SMIM36: variants seen among roughly 807,000 people sequenced by gnomAD.
SMIM36 encodes the protein small integral membrane protein 36.
chr17:55,530,989 A>T, the SMIM36 span, among the ~76,000 whole-genome samples: 1 of 152,144 alleles, frequency 6.6e-6, no homozygotes, highest in East Asian at 1.9e-4. Context: ...ATAATGATTT[A>T]ATTTCCCTTT....
chr17:55,463,997 C>G lies in SMIM36; in HGVS notation c.*531+3148G>C, dbSNP rs149140817. Among the ~76,000 whole-genome samples the G allele has an allele frequency of 3.3e-5, 5 of 152,060 alleles. No homozygotes were observed. The East Asian group carries it at 9.7e-4, about 29-fold the overall frequency. ...CTGGTGTGGAGGCATGTTCCTGTATCCTAGCTACTCGAGAGGCTGAGGCAT... is the reference window on the plus strand; with the variant it reads ...CTGGTGTGGAGGCATGTTCCTGTATGCTAGCTACTCGAGAGGCTGAGGCAT... On this transcript the variant is annotated intron_variant, in intron 4 of 4. Coordinates refer to ENST00000636752, the Ensembl canonical transcript of SMIM36.
intron 1 of SMIM36, among the ~76,000 whole-genome samples, chr17:55,494,517 A>G (rs7215634): frequency 0.26 from 39,782 of 152,048 alleles, 8,245 homozygotes; most frequent in African/African-American, 0.53. Flanking sequence ...CCCATTACAC[A>G]TAGACAAACT....
the SMIM36 span, among the ~76,000 whole-genome samples, chr17:55,517,062 A>G: frequency 6.6e-6 from 1 of 152,196 alleles, no homozygotes; most frequent in East Asian, 1.9e-4. Context: ...TTCTTGGAAG[A>G]CTGCCAGGTT....
chr17:55,457,980 AGCTGAACATTTTCAT>A (rs1237741531), intron 4 of SMIM36, among the ~76,000 whole-genome samples: 4 of 152,192 alleles, frequency 2.6e-5, no homozygotes, highest in African/African-American at 9.7e-5. Context: ...TTTGCCTGCT[AGCTGAACATTTTCAT>A]GCGAGTATGT....
chr17:55,513,303 C>A (rs1910213490), upstream of SMIM36, among the ~76,000 whole-genome samples: 1 of 152,188 alleles, frequency 6.6e-6, no homozygotes, highest in African/African-American at 2.4e-5. Context: ...GTCACCAGGG[C>A]TTTGGTGATC....
rs533137887 is a variant in SMIM36, at chr17:55,493,702, T to C, written c.*175-14122A>G. Among the ~76,000 whole-genome samples the C allele has an allele frequency of 3.3e-5, 5 of 150,592 alleles. No homozygotes were observed. In the South Asian group the frequency reaches 8.4e-4, roughly 25 times the overall value. Reference sequence around the variant, plus strand: ...GAGCACACCTGTAGCCCCAGCTACTTAGGAGGCTGAGGTGGGAGGATCCCT... The same window carrying C: ...GAGCACACCTGTAGCCCCAGCTACTCAGGAGGCTGAGGTGGGAGGATCCCT... On this transcript the variant is annotated intron_variant, in intron 1 of 4. Transcript: ENST00000636752.
intron 4 of SMIM36, among the ~76,000 whole-genome samples, chr17:55,459,785 C>G (rs896781190): frequency 5.9e-5 from 9 of 151,580 alleles, no homozygotes; most frequent in Non-Finnish European, 1.2e-4. Flanking sequence ...GCGCTTGAGC[C>G]CAGAAATTCG....
At chr17:55,455,015 C>G (rs1908991182) in intron 4 of SMIM36, among the ~76,000 whole-genome samples, 1 of 152,176 alleles carries the variant, frequency 6.6e-6, no homozygotes, top group African/African-American at 2.4e-5. Context: ...TGTGCACATT[C>G]ATTATTGTTT....
chr17:55,508,272 C>G (rs2036669), intron 1 of SMIM36, among the ~76,000 whole-genome samples: 83,252 of 151,308 alleles, frequency 0.55, 24,090 homozygotes, highest in African/African-American at 0.74. Context: ...CAAGTTAGTG[C>G]CTTGTTTTCT....
chr17:55,460,474 C>A (rs951997912), intron 4 of SMIM36, among the ~76,000 whole-genome samples: 12 of 150,004 alleles, frequency 8.0e-5, no homozygotes, highest in Non-Finnish European at 1.3e-4. Flanking sequence ...ACAACAACAA[C>A]AAAAAAGCTA....
At chr17:55,487,368 A>C (rs748201760) in intron 1 of SMIM36, among the ~76,000 whole-genome samples, 2 of 152,148 alleles carry the variant, frequency 1.3e-5, no homozygotes, top group African/African-American at 2.4e-5. Flanking sequence ...TAAATAAATA[A>C]AAAAGTGTCC....
intron 1 of SMIM36, among the ~76,000 whole-genome samples, chr17:55,480,828 A>G (rs1271290161): frequency 1.3e-5 from 2 of 152,168 alleles, no homozygotes; most frequent in Non-Finnish European, 2.9e-5. Flanking sequence ...GGTCTGTACA[A>G]CAGCAGGGGC....
chr17:55,508,444 A>G, intron 1 of SMIM36, among the ~76,000 whole-genome samples: 1 of 53,606 alleles, frequency 1.9e-5, no homozygotes, highest in Non-Finnish European at 4.9e-5. Flanking sequence ...ATATATATAT[A>G]TATATATATA....
the SMIM36 span, among the ~76,000 whole-genome samples, chr17:55,520,003 T>C: frequency 6.6e-6 from 1 of 152,198 alleles, no homozygotes; most frequent in Non-Finnish European, 1.5e-5. Flanking sequence ...TCAGTACTAC[T>C]GGGCCAAAAA....
At position 55,459,167 on chromosome 17, in the gene SMIM36, C is replaced by T. The variant is rs558771870; in HGVS notation, c.*531+7978G>A. ...TTTGAGCAGCGGGGCACTGAAGATG[C>T]GAGCCCCACCCCCATCACACGCCCT... is the stretch of plus-strand genomic sequence containing the variant. On this transcript the variant is annotated intron_variant, in intron 4 of 4. Coordinates refer to ENST00000636752, the Ensembl canonical transcript of SMIM36. Among the ~76,000 whole-genome samples the T allele has an allele frequency of 3.3e-5, 5 of 152,234 alleles. No individual in the cohort carries two copies. In the South Asian group the frequency reaches 8.3e-4, roughly 25 times the overall value.
intron 1 of SMIM36, among the ~76,000 whole-genome samples, chr17:55,490,814 A>T (rs1567868187): frequency 2.0e-5 from 3 of 152,158 alleles, no homozygotes; most frequent in Admixed American, 6.5e-5. Context: ...TAAAATATAT[A>T]CTTAGAACAG....
At chr17:55,501,745 A>G (rs1244136806) in intron 1 of SMIM36, among the ~76,000 whole-genome samples, 2 of 151,470 alleles carry the variant, frequency 1.3e-5, no homozygotes, top group Admixed American at 6.6e-5. Context: ...CCGAATAGGA[A>G]CAGCTCCGGT....
chr17:55,483,872 C>A (rs1359083315), intron 1 of SMIM36, among the ~76,000 whole-genome samples: 1 of 152,156 alleles, frequency 6.6e-6, no homozygotes, highest in Non-Finnish European at 1.5e-5. Context: ...AAGTGATCTG[C>A]CTGCCTTGGC....
At chr17:55,474,336 C>T (rs753510630) in intron 3 of SMIM36, among the ~76,000 whole-genome samples, 9 of 152,284 alleles carry the variant, frequency 5.9e-5, no homozygotes, top group Admixed American at 1.3e-4. Context: ...CAGGGGACTA[C>T]AGCCAGCTTG....
Sources: allele counts gnomAD v4.1 joint callset (sites outside exome capture counted in the v4.1 genomes callset), GRCh38; gene constraint gnomAD v4.1.1; transcripts MANE v1.5; gene names NCBI Gene and HGNC (gene_info 2026-07-23, HGNC 2026-07-21).